Variants in HJURP observed in about 807,000 individuals in gnomAD.
HJURP encodes the protein Holliday junction recognition protein, also known as 14-3-3-associated AKT substrate.
A neutral mutation model predicts 72.0 loss-of-function variants in HJURP; 49 were observed. The ratio of observed to expected loss-of-function variants is 0.68; its 90% confidence interval spans 0.54 to 0.86. The LOEUF (loss-of-function observed/expected upper bound fraction) is 0.86. HJURP is among the 40% of genes least tolerant of loss of function. The probability of loss-of-function intolerance (pLI) is 0.00; values close to 1 mark genes in which losing one functional copy is unlikely to be tolerated. For missense variants in HJURP, 908 were observed against 936.3 expected (o/e 0.97, Z 0.39); for synonymous variants, 357 against 347.1 (o/e 1.03, Z -0.32).
At chr2:233,844,973 C>G (rs889163354) in intron 6 of HJURP, among the ~76,000 whole-genome samples, 7 of 147,180 alleles carry the variant, frequency 4.8e-5, no homozygotes, top group Admixed American at 2.7e-4. Context: ...ACATCCCCCC[C>G]CTCCCAACAT....
intron 7 of HJURP, 93 bp from the exon 8 acceptor site, chr2:233,842,298 ATG>A (rs771187044): frequency 5.1e-5 from 58 of 1,139,154 alleles, no homozygotes; most frequent in Non-Finnish European, 6.9e-5. Context: ...GATCAGGACT[ATG>A]TTTTTTTAAG....
chr2:233,847,154 G>A (rs958192665), intron 5 of HJURP, among the ~76,000 whole-genome samples: 1 of 152,156 alleles, frequency 6.6e-6, no homozygotes, highest in Non-Finnish European at 1.5e-5. Flanking sequence ...GAAAATCATC[G>A]TGAATCAGGC....
chr2:233,839,647 C>T (rs561875601), intron 8 of HJURP, among the ~76,000 whole-genome samples: 3 of 152,300 alleles, frequency 2.0e-5, no homozygotes, highest in South Asian at 2.1e-4. Context: ...GCTGGACGCA[C>T]GGCAGGAGCC....
intron 8 of HJURP, among the ~76,000 whole-genome samples, chr2:233,839,485 A>G (rs1705163132): frequency 6.6e-6 from 1 of 152,256 alleles, no homozygotes; most frequent in Non-Finnish European, 1.5e-5. Context: ...CATTGGGAAG[A>G]CAGAGTGACA....
At position 233,846,041 on chromosome 2, in the gene HJURP, T is replaced by C. The variant is rs574203445; in HGVS notation, c.403-221A>G. 1 of 474,396 alleles carries C rather than the reference T, an allele frequency of 2.1e-6. No individual in the cohort carries two copies. Among genetic ancestry groups the C allele is most frequent in the Non-Finnish European group, 3.7e-6 (1 of 266,962 alleles). 29.4% of individuals were successfully genotyped at this position (474,396 alleles called of 1,614,324 possible). On this transcript the variant is annotated intron_variant, in intron 5 of 8. Coordinates refer to ENST00000411486, the MANE Select transcript of HJURP (RefSeq NM_018410.5). This position sits in a 1 kb window ranked among gnomAD's most constrained non-coding sequence, Gnocchi z 4.3. ...AAGACACACACACACAAAAAAACCA[T>C]GTCTAGAGAAGTTTATGACAGCATT...
chr2:233,842,262 T>G, intron 7 of HJURP, 57 bp from the exon 8 acceptor site: 1 of 1,423,028 alleles, frequency 7.0e-7, no homozygotes, highest in Non-Finnish European at 9.6e-7. Flanking sequence ...ACCATCCATG[T>G]GCACAGATGA....
chr2:233,844,205 C>T lies in HJURP; in HGVS notation c.574G>A (p.Gly192Arg), dbSNP rs148598056. The part of the protein sequence containing the change: ...SLASPAVPAP[G>R]YCSRISRKSP... ...CATACAGTTTCTATGTCACACTCAC[C>T]GGGGGCAGGCACGGCAGGTGAGGCC... Residue 192 changes from glycine (G) to arginine (R), a missense_variant and splice_region_variant, in exon 7 of 9, where the codon GGA becomes AGA. Around this residue, in one of 3 missense-constraint regions of HJURP, gnomAD observed 299 missense variants for 286.7 expected, o/e 1.04. Coordinates refer to ENST00000411486, the MANE Select transcript of HJURP (RefSeq NM_018410.5). 2.6e-5 allele frequency: 42 copies of T among 1,613,600 alleles called. No homozygotes were observed. Among genetic ancestry groups the T allele is most frequent in the South Asian group, 8.8e-5 (8 of 91,078 alleles).
rs1705225618 is a variant in HJURP, at chr2:233,841,425, T to C, written c.1355A>G (p.Gln452Arg). 6.2e-7 allele frequency: 1 copy of C among 1,614,212 alleles called. No homozygotes were observed. Among genetic ancestry groups the C allele is most frequent in the Non-Finnish European group, 8.5e-7 (1 of 1,180,036 alleles). Residue 452 changes from glutamine (Q) to arginine (R), a missense_variant, in exon 8 of 9, where the codon CAG becomes CGG. By Grantham distance (43) the Gln-to-Arg change is conservative. This residue lies in a region of HJURP where 598 missense variants were observed against 619.5 expected (regional missense o/e 0.97). Transcript: ENST00000411486. ...GTCCGGGAGGCACATCCGGCGAGGC[T>C]GGTTCCTGGGACTCAGGCAATATTC... ...HREYCLSPRNQPRRMCLPDSW... is the reference protein window; with the variant it reads ...HREYCLSPRNRPRRMCLPDSW...
chr2:233,842,717 A>G (rs1027708722), intron 7 of HJURP, among the ~76,000 whole-genome samples: 2 of 152,236 alleles, frequency 1.3e-5, no homozygotes, highest in Non-Finnish European at 2.9e-5. Flanking sequence ...TCTGCCTCTT[A>G]AAGAGATATT....
intron 8 of HJURP, among the ~76,000 whole-genome samples, chr2:233,838,567 G>T (rs1029443461): frequency 2.0e-5 from 3 of 152,086 alleles, no homozygotes; most frequent in Non-Finnish European, 4.4e-5. Context: ...GATGGTAAAA[G>T]GAAGAGCTGG....
At chr2:233,850,594 A>G (rs111635129) in intron 3 of HJURP, among the ~76,000 whole-genome samples, 2,060 of 152,328 alleles carry the variant, frequency 0.014, 46 homozygotes, top group African/African-American at 0.046. Context: ...GGCGAGGCCT[A>G]TACCGTTAGG....
At chr2:233,850,118 G>A (rs1051959958) in intron 3 of HJURP, among the ~76,000 whole-genome samples, 1 of 152,174 alleles carries the variant, frequency 6.6e-6, no homozygotes, top group African/African-American at 2.4e-5. Flanking sequence ...AGGGGCCCAG[G>A]CACGAGCAGA....
At chr2:233,838,375 C>A (rs1024706841) in intron 8 of HJURP, among the ~76,000 whole-genome samples, 12 of 152,166 alleles carry the variant, frequency 7.9e-5, no homozygotes, top group African/African-American at 1.4e-4. Flanking sequence ...GAGGTCCCTC[C>A]TGTGTGGCTG....
Position 233,841,159 on chromosome 2 carries a change from C to T in HJURP, c.1621G>A (p.Asp541Asn). Residue 541 changes from aspartate (D) to asparagine (N), a missense_variant, in exon 8 of 9, where the codon GAC becomes AAC. Around this residue, in one of 3 missense-constraint regions of HJURP, gnomAD observed 598 missense variants for 619.5 expected, o/e 0.97. Coordinates refer to ENST00000411486, the MANE Select transcript of HJURP (RefSeq NM_018410.5). Reference protein sequence around the residue: ...HSATRPQQTSDLHVQGNSSGI... With the variant: ...HSATRPQQTSNLHVQGNSSGI... ...GAACTATTTCCCTGAACGTGAAGGT[C>T]AGATGTCTGCTGCGGGCGAGTTGCG... 1 of 1,614,140 alleles carries T rather than the reference C, an allele frequency of 6.2e-7. No homozygotes were observed. Among genetic ancestry groups the T allele is most frequent in the Non-Finnish European group, 8.5e-7 (1 of 1,180,036 alleles).
Position 233,845,736 on chromosome 2 carries a change from A to G in HJURP, c.487T>C (p.Tyr163His). The G allele has an allele frequency of 6.2e-7, 1 of 1,600,594 alleles. No individual in the cohort carries two copies. The highest frequency in any genetic ancestry group is 8.6e-7 in the Non-Finnish European group (1 of 1,168,460). ...QVDILLQGAE[Y>H]FECAGNRAGR... ...ACTGGGAAACAGATTACCTCAAAAT[A>G]CTCTGCACCTTGTAGCAGTATATCC... is the stretch of plus-strand genomic sequence containing the variant. The change falls in exon 6 of 9, where the codon TAT (tyrosine) becomes CAT (histidine). Residue 163 changes from tyrosine (Y) to histidine (H), a missense_variant. Transcript: ENST00000411486.
chr2:233,840,531 G>C (rs1358849620), intron 8 of HJURP, 78 bp downstream of exon 8: 4 of 1,412,668 alleles, frequency 2.8e-6, no homozygotes, highest in Non-Finnish European at 3.8e-6. Flanking sequence ...GTGGCGCAAA[G>C]ATTCCTACCA....
At position 233,849,513 on chromosome 2, in the gene HJURP, T is replaced by A. The variant is rs566604522; in HGVS notation, c.337+250A>T. On this transcript the variant is annotated intron_variant, in intron 4 of 8. Transcript: ENST00000411486. The stretch of plus-strand genomic sequence containing the variant: ...TAAATCTGGATATTAACTTTTCACA[T>A]GGAGGGGCATGTTTATTTACTCAAA... 6.0e-4 allele frequency among the ~76,000 whole-genome samples: 91 copies of A among 152,298 alleles called. 1 individual carries two copies. Among genetic ancestry groups the A allele is most frequent in the African/African-American group, 2.1e-3 (88 of 41,558 alleles).
intron 4 of HJURP, among the ~76,000 whole-genome samples, chr2:233,848,868 C>A (rs536475800): frequency 6.6e-6 from 1 of 152,148 alleles, no homozygotes; most frequent in East Asian, 1.9e-4. Flanking sequence ...GGACGGGAGG[C>A]GAGCAGACTG....
intron 8 of HJURP, among the ~76,000 whole-genome samples, chr2:233,840,190 A>G (rs1453633369): frequency 6.6e-6 from 1 of 152,192 alleles, no homozygotes; most frequent in Admixed American, 6.5e-5. Flanking sequence ...CTCTTTCCCT[A>G]CCAGGAATCC....
Sources: gnomAD v4.1 joint callset for allele counts (sites outside exome capture counted in the v4.1 genomes callset) on GRCh38, gnomAD v4.1.1 for gene constraint, gnomAD v4.1.1 regional missense constraint, Gnocchi (gnomAD v3.1) non-coding constraint, MANE v1.5 for transcripts, NCBI Gene and HGNC (gene_info 2026-07-23, HGNC 2026-07-21) for gene names.